The following ADAMTSL1 variants were observed in gnomAD, a reference collection of about 807,000 sequenced individuals.
ADAMTSL1 encodes the protein ADAMTS-like protein 1.
In ADAMTSL1, 126 loss-of-function variants were observed where a neutral mutation model predicts 201.8. The observed-to-expected ratio is 0.62, with a 90% confidence interval of 0.54 to 0.72. ADAMTSL1 has a LOEUF of 0.72. ADAMTSL1 is among the 30% of genes least tolerant of loss of function. The pLI is 0.00. For missense variants in ADAMTSL1, 2,679 were observed against 2,277.8 expected, an observed-to-expected ratio of 1.18 and a Z score of -3.59; for synonymous variants, 1,121 against 903.4, an observed-to-expected ratio of 1.24 and a Z score of -4.32.
chr9:18,182,166 A>G (rs962896230), intron 2 of ADAMTSL1, among the ~76,000 whole-genome samples: 1 of 151,032 alleles, frequency 6.6e-6, no homozygotes, highest in African/African-American at 2.4e-5. Flanking sequence ...GAGGGATAGC[A>G]TTGGGAGATA....
At chr9:18,000,922 A>G (rs1053705030) in intron 1 of ADAMTSL1, among the ~76,000 whole-genome samples, 1 of 152,060 alleles carries the variant, frequency 6.6e-6, no homozygotes, top group African/African-American at 2.4e-5. Flanking sequence ...AGTTCCAGGA[A>G]GTGACTGTCT....
chr9:18,801,522 C>G (rs1423795240), intron 20 of ADAMTSL1, among the ~76,000 whole-genome samples: 1 of 152,162 alleles, frequency 6.6e-6, no homozygotes, highest in East Asian at 1.9e-4. Flanking sequence ...GCTCCGCTCT[C>G]TCCTCCCACT....
chr9:18,271,069 T>A (rs1832341828), intron 2 of ADAMTSL1, among the ~76,000 whole-genome samples: 1 of 152,216 alleles, frequency 6.6e-6, no homozygotes, highest in Non-Finnish European at 1.5e-5. Flanking sequence ...GCATGTTTAT[T>A]GTTGTAAACA....
rs1223218165 is a variant in ADAMTSL1 at position 18,821,555 on chromosome 9, G to A, written c.3934+4318G>A. The stretch of plus-strand genomic sequence containing the variant: ...ATGCTGGGGAAGGTAGGCTCACTGG[G>A]TACTCAGGAAAAAGAGGGAAACTGG... On this transcript the variant is annotated intron_variant, in intron 21 of 28. Coordinates refer to ENST00000380548, the MANE Select transcript of ADAMTSL1 (RefSeq NM_001040272.6). 3.9e-5 allele frequency among the ~76,000 whole-genome samples: 6 copies of A among 152,186 alleles called. No homozygotes were observed. In the South Asian group the frequency reaches 1.2e-3, roughly 32 times the overall value.
intron 1 of ADAMTSL1, among the ~76,000 whole-genome samples, chr9:17,948,951 G>C (rs2811825): frequency 0.88 from 133,699 of 152,160 alleles, 58,854 homozygotes; most frequent in East Asian, 0.94. Flanking sequence ...AACTGAGGAT[G>C]AGCCAGTTTA....
chr9:18,188,837 C>T (rs150402416), intron 2 of ADAMTSL1, among the ~76,000 whole-genome samples: 16 of 152,082 alleles, frequency 1.1e-4, no homozygotes, highest in Admixed American at 6.6e-5. Context: ...TGCTGAACAC[C>T]GTTATGGGCC....
chr9:18,682,698 T>A (rs1194240823), intron 12 of ADAMTSL1, among the ~76,000 whole-genome samples: 1 of 152,188 alleles, frequency 6.6e-6, no homozygotes, highest in Non-Finnish European at 1.5e-5. Context: ...ATTTTTAATA[T>A]TAAATATGGC....
At chr9:18,256,377 G>A (rs1364830444) in intron 2 of ADAMTSL1, among the ~76,000 whole-genome samples, 1 of 152,154 alleles carries the variant, frequency 6.6e-6, no homozygotes. Flanking sequence ...TCCTGACAGG[G>A]TTTCCAGGAG....
intron 21 of ADAMTSL1, among the ~76,000 whole-genome samples, chr9:18,825,221 G>C (rs376750021): frequency 6.6e-6 from 1 of 152,090 alleles, no homozygotes; most frequent in African/African-American, 2.4e-5. Flanking sequence ...TAAACTCTCA[G>C]GGCCTGTTTT....
chr9:18,375,250 A>G (rs1382150021), intron 2 of ADAMTSL1, among the ~76,000 whole-genome samples: 1 of 152,212 alleles, frequency 6.6e-6, no homozygotes, highest in Non-Finnish European at 1.5e-5. Flanking sequence ...CTGTTACATT[A>G]GAGGAAAGAG....
intron 2 of ADAMTSL1, among the ~76,000 whole-genome samples, chr9:18,273,740 A>C (rs1030206684): frequency 1.3e-5 from 2 of 152,206 alleles, no homozygotes; most frequent in African/African-American, 4.8e-5. Context: ...CATGTGGTCA[A>C]CTTCATCCAG....
At chr9:18,501,103 A>G (rs1822812362) in intron 1 of ADAMTSL1, among the ~76,000 whole-genome samples, 1 of 152,204 alleles carries the variant, frequency 6.6e-6, no homozygotes, top group Non-Finnish European at 1.5e-5. Flanking sequence ...TAGGCGACCC[A>G]TTATCTACTC....
At chr9:18,714,106 A>C (rs1234598126) in intron 14 of ADAMTSL1, among the ~76,000 whole-genome samples, 1 of 152,246 alleles carries the variant, frequency 6.6e-6, no homozygotes, top group Non-Finnish European at 1.5e-5. Flanking sequence ...GGCAGTGTGT[A>C]GAGGGAAATT....
intron 2 of ADAMTSL1, among the ~76,000 whole-genome samples, chr9:18,512,672 A>G (rs1010086779): frequency 6.6e-6 from 1 of 152,162 alleles, no homozygotes; most frequent in African/African-American, 2.4e-5. Flanking sequence ...TATTTTAAGA[A>G]CTAAGAGAAG....
At chr9:18,408,470 G>A (rs550443696) in intron 2 of ADAMTSL1, among the ~76,000 whole-genome samples, 3 of 151,700 alleles carry the variant, frequency 2.0e-5, no homozygotes, top group Admixed American at 6.6e-5. Flanking sequence ...GACACTCTCC[G>A]CACCCCCCAC....
At chr9:18,505,459 A>G (rs1823073058) in intron 2 of ADAMTSL1, among the ~76,000 whole-genome samples, 1 of 152,226 alleles carries the variant, frequency 6.6e-6, no homozygotes, top group Non-Finnish European at 1.5e-5. Context: ...TTCGAATATA[A>G]GGAAGTTTGG....
At chr9:18,701,671 A>C (rs554547448) in intron 13 of ADAMTSL1, among the ~76,000 whole-genome samples, 13 of 152,356 alleles carry the variant, frequency 8.5e-5, no homozygotes, top group African/African-American at 2.9e-4. Flanking sequence ...CTTGAAATGT[A>C]ATAAGATTGA....
In ADAMTSL1 at chr9:18,092,970, T is replaced by C. The variant is rs1266647259; in HGVS notation, c.88-70892T>C. On this transcript the variant is annotated intron_variant, in intron 1 of 29. Coordinates refer to the ADAMTSL1 transcript ENST00000680146. ...TGAACAAGGCTGTTGACAGGGAAAA[T>C]TGGGGCTCAATCGTAGCTGACATTG... Among the ~76,000 whole-genome samples, 5 of 152,174 alleles carry C rather than the reference T, an allele frequency of 3.3e-5. No individual in the cohort carries two copies. The East Asian group carries it at 9.7e-4, about 29-fold the overall frequency.
At chr9:18,482,357 A>G (rs1223812690) in intron 1 of ADAMTSL1, among the ~76,000 whole-genome samples, 3 of 152,192 alleles carry the variant, frequency 2.0e-5, no homozygotes, top group African/African-American at 4.8e-5. Context: ...CCAATTCTAC[A>G]CTACATTAAT....
Sources: allele counts gnomAD v4.1 joint callset (sites outside exome capture counted in the v4.1 genomes callset), GRCh38; gene constraint gnomAD v4.1.1; transcripts MANE v1.5; gene names NCBI Gene and HGNC (gene_info 2026-07-23, HGNC 2026-07-21).